The following OSBPL5 variants were observed in gnomAD, a reference collection of about 807,000 sequenced individuals.
The protein encoded by OSBPL5 is oxysterol binding protein like 5, also known as oxysterol-binding protein-related protein 5.
OSBPL5 carries 71 observed loss-of-function variants against 111.2 expected under a neutral mutation model. The ratio of observed to expected loss-of-function variants is 0.64; its 90% CI spans 0.53 to 0.78. The LOEUF is 0.78. Ranked by LOEUF, OSBPL5 falls within the 30% of genes least tolerant of loss-of-function variation. OSBPL5 has a pLI of 0.00. For synonymous variants in OSBPL5, 549 were observed against 513.9 expected (o/e 1.07, Z -0.93); for missense variants, 1,210 against 1,189.3 (o/e 1.02, Z -0.26).
Position 3,122,065 on chromosome 11 carries a change from G to T in OSBPL5, c.334C>A (p.Arg112Ser). Reference sequence around the variant, plus strand: ...GCGCTGAGCAGCTGCCGTGTGGCGCGCTTCTTCTCCTGCCGGTAGTTCTCC... The same window carrying T: ...GCGCTGAGCAGCTGCCGTGTGGCGCTCTTCTTCTCCTGCCGGTAGTTCTCC... Reference protein sequence around the residue: ...QKENYRQEKKRATRQLLSALT... With the variant: ...QKENYRQEKKSATRQLLSALT... The change falls in exon 5 of 22, where the codon CGC becomes AGC. Residue 112 changes from arginine (R) to serine (S), a missense_variant. Coordinates refer to ENST00000263650, the MANE Select transcript of OSBPL5 (RefSeq NM_020896.4). The T allele has an allele frequency of 1.3e-6, 2 of 1,579,574 alleles. No individual in the cohort carries two copies. Among genetic ancestry groups the T allele is most frequent in the Non-Finnish European group, 8.6e-7 (1 of 1,167,930 alleles).
In OSBPL5 at chr11:3,161,988, G is replaced by T. The variant is rs1846981034; in HGVS notation, c.-22+3228C>A. Among the ~76,000 whole-genome samples, 1 of 152,054 alleles carries T rather than the reference G, an allele frequency of 6.6e-6. No individual in the cohort carries two copies. On this transcript the variant is annotated intron_variant, in intron 1 of 21. Transcript: ENST00000263650. This position sits in a 1 kb window ranked among gnomAD's most constrained non-coding sequence, Gnocchi z 8.0. ...AGGAGGGGAGAGGGAGGGGAGGGGAGGGGGAGAGGAGAACAAGGGAAGGGA... is the reference window on the plus strand; with the variant it reads ...AGGAGGGGAGAGGGAGGGGAGGGGATGGGGAGAGGAGAACAAGGGAAGGGA...
In OSBPL5 at chr11:3,154,028, G is replaced by A. The variant is rs901906698; in HGVS notation, c.-22+11188C>T. Among the ~76,000 whole-genome samples the A allele has an allele frequency of 2.0e-5, 3 of 152,232 alleles. No homozygotes were observed. Among genetic ancestry groups the A allele is most frequent in the Non-Finnish European group, 4.4e-5 (3 of 68,038 alleles). ...CAGCAGGGAGCCCCAGGGCAGGCCC[G>A]CAGCCCCCAAGGAAGGTCTGTGCCC... On this transcript the variant is annotated intron_variant, in intron 1 of 21. Transcript: ENST00000263650. The surrounding 1 kb of genome is among the most constrained non-coding windows in gnomAD (Gnocchi z 4.9).
At chr11:3,127,354 C>A (rs903589433) in intron 2 of OSBPL5, among the ~76,000 whole-genome samples, 4 of 152,350 alleles carry the variant, frequency 2.6e-5, no homozygotes, top group Middle Eastern at 3.4e-3. Flanking sequence ...AGGCTGGGTG[C>A]GTGGACAGAC....
chr11:3,099,000 G>A (rs907860210), intron 14 of OSBPL5, among the ~76,000 whole-genome samples: 9 of 150,980 alleles, frequency 6.0e-5, no homozygotes, highest in South Asian at 2.1e-4. Context: ...ACAGGGTTTT[G>A]CCATGTTGCC....
chr11:3,138,453 G>A (rs1291718920), intron 1 of OSBPL5, among the ~76,000 whole-genome samples: 4 of 152,234 alleles, frequency 2.6e-5, no homozygotes, highest in Non-Finnish European at 5.9e-5. Flanking sequence ...AAGGGAGTGG[G>A]GGCCGTCACT....
rs1043032348 is a variant in OSBPL5 at position 3,105,510 on chromosome 11, A to G, written c.1060-1133T>C. Among the ~76,000 whole-genome samples, 1 of 152,016 alleles carries G rather than the reference A, an allele frequency of 6.6e-6. No individual in the cohort carries two copies. The highest frequency in any genetic ancestry group is 1.5e-5 in the Non-Finnish European group (1 of 67,994). On this transcript the variant is annotated intron_variant, in intron 9 of 21. Coordinates refer to ENST00000263650, the MANE Select transcript of OSBPL5 (RefSeq NM_020896.4). This position sits in a 1 kb window ranked among gnomAD's most constrained non-coding sequence, Gnocchi z 5.2. ...GGCTGTCAGGAATCCTGCTCTGTCCATGTGCTCCCGTCCCGTCCTCCTTAA... is the reference window on the plus strand; with the variant it reads ...GGCTGTCAGGAATCCTGCTCTGTCCGTGTGCTCCCGTCCCGTCCTCCTTAA...
chr11:3,093,993 G>A (rs1432019809), intron 15 of OSBPL5, among the ~76,000 whole-genome samples, 158 bp from the exon 16 acceptor site: 5 of 152,144 alleles, frequency 3.3e-5, no homozygotes, highest in African/African-American at 4.8e-5. Flanking sequence ...GGACCCCCAC[G>A]CCTCCGCTCA....
intron 7 of OSBPL5, among the ~76,000 whole-genome samples, chr11:3,117,679 C>A (rs776516098): frequency 3.9e-5 from 6 of 152,200 alleles, no homozygotes; most frequent in Non-Finnish European, 8.8e-5. Context: ...ATTTTCTGCA[C>A]TTTGGATGAA....
intron 20 of OSBPL5, among the ~76,000 whole-genome samples, 159 bp from the exon 21 acceptor site, chr11:3,090,107 G>A (rs1410503620): frequency 6.6e-6 from 1 of 152,066 alleles, no homozygotes; most frequent in African/African-American, 2.4e-5. Context: ...ACACGGAGAT[G>A]AGGGAGGGGT....
At chr11:3,091,893 G>A (rs895469033) in intron 19 of OSBPL5, among the ~76,000 whole-genome samples, 3 of 152,180 alleles carry the variant, frequency 2.0e-5, no homozygotes, top group Non-Finnish European at 4.4e-5. Context: ...CACGCAGTAG[G>A]TGCACGGCTG....
chr11:3,146,835 T>G lies in OSBPL5; in HGVS notation c.-21-17666A>C, dbSNP rs1188546509. ...CAGGGTCCCTGGCAGCCAGATCCCC[T>G]TCGCCGTGGCTGGAGCTGGCGTTTC... On this transcript the variant is annotated intron_variant, in intron 1 of 21. Coordinates refer to ENST00000263650, the MANE Select transcript of OSBPL5 (RefSeq NM_020896.4). The surrounding 1 kb of genome is among the most constrained non-coding windows in gnomAD (Gnocchi z 7.8). Among the ~76,000 whole-genome samples, 2 of 152,148 alleles carry G rather than the reference T, an allele frequency of 1.3e-5. No homozygotes were observed. Among genetic ancestry groups the G allele is most frequent in the East Asian group, 3.9e-4 (2 of 5,188 alleles).
chr11:3,092,390 G>A lies in OSBPL5; in HGVS notation c.2259+42C>T. 1.3e-6 allele frequency: 2 copies of A among 1,529,628 alleles called. No individual in the cohort carries two copies. Among genetic ancestry groups the A allele is most frequent in the East Asian group, 2.4e-5 (1 of 41,866 alleles). The allele number at this position is 1,529,628 out of a possible 1,614,324, so 94.8% of individuals were successfully genotyped here. A position where few individuals can be genotyped will look rare whatever the true frequency, so the allele number is the denominator to read the frequency against. On this transcript the variant is annotated intron_variant, in intron 19 of 21. Coordinates refer to ENST00000263650, the MANE Select transcript of OSBPL5 (RefSeq NM_020896.4). The surrounding 1 kb of genome is among the most constrained non-coding windows in gnomAD (Gnocchi z 5.4). ...GCGAGGGGTGGTGGTGGCCACACGT[G>A]CAGCTAAGACCAGCCCTGGGTGGGG... is the stretch of plus-strand genomic sequence containing the variant.
intron 1 of OSBPL5, among the ~76,000 whole-genome samples, chr11:3,143,235 G>A (rs571382328): frequency 2.4e-5 from 3 of 126,644 alleles, no homozygotes; most frequent in Admixed American, 7.9e-5. Flanking sequence ...AGGTGCGGGG[G>A]GGGCAGAGGA....
At position 3,107,260 on chromosome 11, in the gene OSBPL5, C is replaced by G. The variant is rs1272125513; in HGVS notation, c.1059+3G>C. 6.2e-6 allele frequency: 10 copies of G among 1,610,752 alleles called. No individual in the cohort carries two copies. The highest frequency in any genetic ancestry group is 2.7e-5 in the African/African-American group (2 of 74,724). On this transcript the variant is annotated splice_donor_region_variant and intron_variant, in intron 9 of 21. Coordinates refer to ENST00000263650, the MANE Select transcript of OSBPL5 (RefSeq NM_020896.4). This position sits in a 1 kb window ranked among gnomAD's most constrained non-coding sequence, Gnocchi z 6.1. ...TTGGGGCTCCTGGCTGGGGGGCTCT[C>G]ACCTCCCCCAGCTCCTCCTGGACCT...
chr11:3,136,379 A>G (rs73415946), intron 1 of OSBPL5, among the ~76,000 whole-genome samples: 19,941 of 152,300 alleles, frequency 0.13, 3,246 homozygotes, highest in African/African-American at 0.38. Context: ...ACATAGAGCC[A>G]TCAGCTGGGG....
chr11:3,090,101 G>A (rs931436714), intron 20 of OSBPL5, among the ~76,000 whole-genome samples, 153 bp from the exon 21 acceptor site: 1 of 152,046 alleles, frequency 6.6e-6, no homozygotes, highest in East Asian at 1.9e-4. Flanking sequence ...CTGAAGACAC[G>A]GAGATGAGGG....
intron 7 of OSBPL5, among the ~76,000 whole-genome samples, chr11:3,112,601 A>G (rs1246854417): frequency 6.6e-6 from 1 of 151,850 alleles, no homozygotes; most frequent in Non-Finnish European, 1.5e-5. Flanking sequence ...TAAGTGCACT[A>G]TAAAAGCATC....
intron 13 of OSBPL5, 111 bp downstream of exon 13, chr11:3,101,492 G>A: frequency 2.0e-6 from 2 of 1,007,446 alleles, no homozygotes; most frequent in Non-Finnish European, 3.0e-6. Context: ...GAGGGGTTGG[G>A]AGGGACAGGC....
chr11:3,138,769 C>G (rs1472935315), intron 1 of OSBPL5, among the ~76,000 whole-genome samples: 1 of 152,204 alleles, frequency 6.6e-6, no homozygotes, highest in Non-Finnish European at 1.5e-5. Context: ...AGGCCGCTGC[C>G]TACCCAGGTG....
Sources: gnomAD v4.1 joint callset for allele counts (sites outside exome capture counted in the v4.1 genomes callset) on GRCh38, gnomAD v4.1.1 for gene constraint, Gnocchi (gnomAD v3.1) non-coding constraint, MANE v1.5 for transcripts, NCBI Gene and HGNC (gene_info 2026-07-23, HGNC 2026-07-21) for gene names.